DHRSX: variants seen among roughly 807,000 people sequenced by gnomAD.
DHRSX encodes polyprenol dehydrogenase.
A neutral mutation model predicts 34.0 loss-of-function variants in DHRSX; 31 were observed. The ratio of observed to expected loss-of-function variants is 0.91; its 90% confidence interval spans 0.69 to 1.23. DHRSX has a LOEUF of 1.23. Ranked by LOEUF, DHRSX falls within the 50% of genes most tolerant of loss-of-function variation. DHRSX has a pLI of 0.00. For missense variants in DHRSX, 414 were observed against 428.1 expected (o/e 0.97, Z 0.29); for synonymous variants, 201 against 183.8 (o/e 1.09, Z -0.76).
intron 3 of DHRSX, among the ~76,000 whole-genome samples, chrX:2,378,127 G>A (rs2043162955): frequency 6.6e-6 from 1 of 152,222 alleles, no homozygotes; most frequent in Admixed American, 6.5e-5. Flanking sequence ...TATACTTAGT[G>A]ACTGGAAGGT....
intron 1 of DHRSX, among the ~76,000 whole-genome samples, chrX:2,453,442 C>G (rs1163686908): frequency 4.6e-5 from 7 of 151,118 alleles, no homozygotes; most frequent in Non-Finnish European, 7.4e-5. Flanking sequence ...GAGGCTGAGG[C>G]AGGAGGATCG....
intron 1 of DHRSX, among the ~76,000 whole-genome samples, chrX:2,467,077 A>AAC (rs1556526631): frequency 1.3e-4 from 19 of 149,896 alleles, no homozygotes; most frequent in Admixed American, 2.7e-4. Context: ...AAAAAAAAAA[A>AAC]AAAAACGCTA....
chrX:2,224,973 CATGCACACTA>C (rs1258567688), intron 6 of DHRSX, among the ~76,000 whole-genome samples: 2 of 132,888 alleles, frequency 1.5e-5, no homozygotes, highest in African/African-American at 2.9e-5. Context: ...CTCACATTCA[CATGCACACTA>C]ATTCACATGC....
intron 1 of DHRSX, among the ~76,000 whole-genome samples, chrX:2,466,020 T>C (rs1463230240): frequency 6.6e-6 from 1 of 152,162 alleles, no homozygotes; most frequent in Non-Finnish European, 1.5e-5. Context: ...ACTGCTTTTA[T>C]GCACATTGTT....
intron 4 of DHRSX, among the ~76,000 whole-genome samples, chrX:2,289,811 C>T (rs1319672628): frequency 2.0e-5 from 3 of 152,158 alleles, no homozygotes; most frequent in African/African-American, 2.4e-5. Flanking sequence ...TTTATGCCTG[C>T]GTAGAAACTT....
intron 1 of DHRSX, among the ~76,000 whole-genome samples, chrX:2,449,461 A>G (rs1239965475): frequency 1.3e-5 from 2 of 152,084 alleles, no homozygotes; most frequent in African/African-American, 2.4e-5. Flanking sequence ...TCTGGGGGAC[A>G]CTGATTTTCA....
At chrX:2,273,815 G>T (rs1338517310) in intron 4 of DHRSX, among the ~76,000 whole-genome samples, 1 of 152,182 alleles carries the variant, frequency 6.6e-6, no homozygotes, top group Non-Finnish European at 1.5e-5. Flanking sequence ...CATCGTTGGG[G>T]AAGGTATCTT....
chrX:2,443,353 G>A (rs1235510062), intron 1 of DHRSX, among the ~76,000 whole-genome samples: 1 of 151,872 alleles, frequency 6.6e-6, no homozygotes, highest in Non-Finnish European at 1.5e-5. Flanking sequence ...CTTTAGCCCA[G>A]GGGTCTAACT....
At chrX:2,444,927 C>T (rs1301000339) in intron 1 of DHRSX, among the ~76,000 whole-genome samples, 9 of 152,068 alleles carry the variant, frequency 5.9e-5, no homozygotes, top group Admixed American at 2.6e-4. Flanking sequence ...GAGGCCGAGG[C>T]GGGCAGATCA....
chrX:2,335,440 AT>A (rs1205066946), intron 3 of DHRSX, among the ~76,000 whole-genome samples: 1 of 135,966 alleles, frequency 7.4e-6, no homozygotes, highest in Middle Eastern at 3.5e-3. Flanking sequence ...TGCATTCATT[AT>A]TTTTTTGGGG....
intron 1 of DHRSX, among the ~76,000 whole-genome samples, chrX:2,464,622 A>T (rs2044460142): frequency 6.6e-6 from 1 of 151,232 alleles, no homozygotes; most frequent in Admixed American, 6.6e-5. Context: ...CACACTGAAG[A>T]TGTTCCCTAA....
At chrX:2,478,050 T>C (rs1371112659) in intron 1 of DHRSX, among the ~76,000 whole-genome samples, 6 of 152,322 alleles carry the variant, frequency 3.9e-5, no homozygotes, top group African/African-American at 1.4e-4. Flanking sequence ...ATTCAGGTTC[T>C]GAATCTCTGA....
chrX:2,473,034 G>GCA (rs2044617747), intron 1 of DHRSX, among the ~76,000 whole-genome samples: 3 of 151,960 alleles, frequency 2.0e-5, no homozygotes, highest in Non-Finnish European at 2.9e-5. Flanking sequence ...ACAACTTACT[G>GCA]TCCACTGCAA....
At chrX:2,269,349 T>C (rs888834636) in intron 4 of DHRSX, among the ~76,000 whole-genome samples, 2 of 152,244 alleles carry the variant, frequency 1.3e-5, no homozygotes, top group Non-Finnish European at 2.9e-5. Flanking sequence ...ACACATTTTT[T>C]ATATGTACAT....
At chrX:2,395,912 G>A (rs2043403864) in intron 3 of DHRSX, among the ~76,000 whole-genome samples, 1 of 151,996 alleles carries the variant, frequency 6.6e-6, no homozygotes, top group Non-Finnish European at 1.5e-5. Context: ...CTCGTCTCCC[G>A]AGGCTGCTGT....
rs1181913954 is a variant in DHRSX at position 2,244,324 on chromosome X, C to G, written c.597-1094G>C. Among the ~76,000 whole-genome samples the G allele has an allele frequency of 1.0e-4, 12 of 116,164 alleles. No homozygotes were observed. In the East Asian group the frequency reaches 2.5e-3, roughly 24 times the overall value. The allele number at this position is 116,164 out of a possible 152,430, so 76.2% of individuals were successfully genotyped here. On this transcript the variant is annotated intron_variant, in intron 5 of 6. Transcript: ENST00000334651. The stretch of plus-strand genomic sequence containing the variant: ...GTGCCTCTCTCTCTCTCTCTGGTAA[C>G]CTCAATCACCAGAAACACAGAAAAC...
chrX:2,465,569 G>A (rs1259110920), intron 1 of DHRSX, among the ~76,000 whole-genome samples: 1 of 151,984 alleles, frequency 6.6e-6, no homozygotes, highest in African/African-American at 2.4e-5. Flanking sequence ...TTGGGAGGCT[G>A]AGGCAGGTGG....
intron 4 of DHRSX, among the ~76,000 whole-genome samples, chrX:2,274,860 T>C (rs989807039): frequency 6.6e-6 from 1 of 152,164 alleles, no homozygotes; most frequent in African/African-American, 2.4e-5. Flanking sequence ...GTTGAGTTCT[T>C]TGCCAGTGGC....
chrX:2,226,809 G>GA (rs1053695733), intron 6 of DHRSX, among the ~76,000 whole-genome samples: 2 of 151,474 alleles, frequency 1.3e-5, no homozygotes, highest in South Asian at 2.1e-4. Context: ...AAAAAAGAAA[G>GA]AAAAAAAAGA....
Sources: allele counts gnomAD v4.1 joint callset (sites outside exome capture counted in the v4.1 genomes callset), GRCh38; gene constraint gnomAD v4.1.1; transcripts MANE v1.5; gene names NCBI Gene and HGNC (gene_info 2026-07-23, HGNC 2026-07-21).